Variants in MYMX observed in about 807,000 individuals in gnomAD.
MYMX encodes protein myomixer.
the MYMX span, among the ~76,000 whole-genome samples, chr6:44,198,529 G>A: frequency 3.5e-5 from 5 of 143,482 alleles, no homozygotes; most frequent in African/African-American, 1.3e-4. Flanking sequence ...TTATTTTTTT[G>A]ACAGTCTTGC....
At chr6:44,209,410 C>T in the MYMX span, among the ~76,000 whole-genome samples, 5 of 152,168 alleles carry the variant, frequency 3.3e-5, no homozygotes, top group Admixed American at 6.5e-5. Context: ...GCACCACGCC[C>T]GGCCAAAATC....
At chr6:44,196,194 G>C in the MYMX span, among the ~76,000 whole-genome samples, 20 of 152,096 alleles carry the variant, frequency 1.3e-4, no homozygotes, top group South Asian at 6.2e-4. Context: ...AAAGTGCTAG[G>C]ATTATAGGCG....
At chr6:44,195,969 TCTCA>T in the MYMX span, among the ~76,000 whole-genome samples, 5 of 152,106 alleles carry the variant, frequency 3.3e-5, no homozygotes, top group African/African-American at 1.2e-4. Flanking sequence ...TGAAACAGAG[TCTCA>T]CTCTGTTGCC....
chr6:44,201,399 AC>A, the MYMX span, among the ~76,000 whole-genome samples: 2 of 151,282 alleles, frequency 1.3e-5, no homozygotes, highest in East Asian at 4.0e-4. Context: ...CCCTTGACAC[AC>A]CCTGCCCTTG....
the MYMX span, among the ~76,000 whole-genome samples, chr6:44,210,491 C>A: frequency 2.0e-5 from 3 of 151,894 alleles, no homozygotes; most frequent in Non-Finnish European, 4.4e-5. Context: ...CCCTATGTTG[C>A]CCAGGGTGGT....
the MYMX span, among the ~76,000 whole-genome samples, chr6:44,203,995 G>T: frequency 6.6e-6 from 1 of 151,972 alleles, no homozygotes; most frequent in Non-Finnish European, 1.5e-5. Flanking sequence ...TTACAGGCAC[G>T]CATCGCCATG....
chr6:44,217,082 C>T (rs1775916258), intron 1 of MYMX, 114 bp downstream of exon 1: 1 of 188,258 alleles, frequency 5.3e-6, no homozygotes, highest in African/African-American at 2.3e-5. Flanking sequence ...AGAAGAACTC[C>T]TGCTAGACTG....
the MYMX span, among the ~76,000 whole-genome samples, chr6:44,200,287 C>T: frequency 6.6e-6 from 1 of 152,034 alleles, no homozygotes; most frequent in South Asian, 2.1e-4. Context: ...TGTTTCTCCA[C>T]TGGGGTCTTG....
chr6:44,212,830 C>A (rs1186632842), upstream of MYMX, among the ~76,000 whole-genome samples: 1 of 149,542 alleles, frequency 6.7e-6, no homozygotes, highest in Non-Finnish European at 1.5e-5. Context: ...TCAAGACCAG[C>A]CTGAGCAACA....
the MYMX span, among the ~76,000 whole-genome samples, chr6:44,194,519 C>G: frequency 6.6e-6 from 1 of 152,196 alleles, no homozygotes; most frequent in South Asian, 2.1e-4. Flanking sequence ...CTTTGCCCAT[C>G]CTGTTCCACT....
At chr6:44,198,995 T>C in the MYMX span, among the ~76,000 whole-genome samples, 1 of 152,160 alleles carries the variant, frequency 6.6e-6, no homozygotes, top group Non-Finnish European at 1.5e-5. Context: ...CCAGCCCTAT[T>C]TCTGACCATT....
At position 44,217,577 on chromosome 6, in the gene MYMX, T is replaced by C. The variant is rs1013507522; in HGVS notation, c.106T>C (p.Leu36=). 14 of 402,194 alleles carry C rather than the reference T, an allele frequency of 3.5e-5. No homozygotes were observed. The highest frequency in any genetic ancestry group is 5.3e-5 in the Non-Finnish European group (12 of 227,370). 24.9% of individuals were successfully genotyped at this position (402,194 alleles called of 1,614,324 possible). The change falls in exon 2 of 2, where the codon TTG becomes CTG. Residue 36 remains leucine (L), a synonymous_variant. Coordinates refer to ENST00000573382, the MANE Select transcript of MYMX (RefSeq NM_001315494.2). ...RQYLLPLLRR[L]ARRLGSQDMR... The stretch of plus-strand genomic sequence containing the variant: ...ATACCTCCTGCCCCTGCTGCGCCGA[T>C]TGGCCCGCCGCCTGGGCTCCCAGGA...
At chr6:44,211,619 CTT>C in the MYMX span, among the ~76,000 whole-genome samples, 38 of 137,336 alleles carry the variant, frequency 2.8e-4, no homozygotes, top group Admixed American at 5.1e-4. Context: ...CTTTTCTTTT[CTT>C]TTTTTTTTTT....
upstream of MYMX, among the ~76,000 whole-genome samples, chr6:44,213,443 A>G (rs779172074): frequency 6.7e-6 from 1 of 149,086 alleles, no homozygotes; most frequent in Non-Finnish European, 1.5e-5. Flanking sequence ...TTTTTTTCAG[A>G]CGGAGTCTCG....
chr6:44,211,788 T>TTTTTTTTGTGTGTGTGTGTGTGTGTG, the MYMX span, among the ~76,000 whole-genome samples: 14 of 126,428 alleles, frequency 1.1e-4, no homozygotes, highest in African/African-American at 3.7e-4. Context: ...CAGCTAGGTT[T>TTTTTTTTGTGTGTGTGTGTGTGTGTG]TGTGTGTGTG....
chr6:44,206,982 T>G, the MYMX span, among the ~76,000 whole-genome samples: 1 of 152,230 alleles, frequency 6.6e-6, no homozygotes, highest in African/African-American at 2.4e-5. Flanking sequence ...CTTCTCAACC[T>G]CCATTGCTTG....
chr6:44,202,788 A>C, the MYMX span, among the ~76,000 whole-genome samples: 1,895 of 152,222 alleles, frequency 0.012, 32 homozygotes, highest in African/African-American at 0.043. Flanking sequence ...GACTAGATCC[A>C]TTCCTTGGAG....
the MYMX span, among the ~76,000 whole-genome samples, chr6:44,193,102 T>C: frequency 3.9e-5 from 6 of 152,064 alleles, no homozygotes; most frequent in African/African-American, 1.4e-4. Flanking sequence ...ACCGAGGCCC[T>C]CTCTGAACTT....
At chr6:44,207,773 C>T in the MYMX span, among the ~76,000 whole-genome samples, 5 of 152,042 alleles carry the variant, frequency 3.3e-5, no homozygotes, top group East Asian at 7.7e-4. Flanking sequence ...TCAGGTGATC[C>T]GCCCACTTCA....
Sources: allele counts gnomAD v4.1 joint callset (sites outside exome capture counted in the v4.1 genomes callset), GRCh38; gene constraint gnomAD v4.1.1; transcripts MANE v1.5; gene names NCBI Gene and HGNC (gene_info 2026-07-23, HGNC 2026-07-21).